The following ZNF696 variants were observed in gnomAD, a reference collection of about 807,000 sequenced individuals.
The protein encoded by ZNF696 is zinc finger protein 696.
A neutral mutation model predicts 12.3 loss-of-function variants in ZNF696; 10 were observed. That is an observed-to-expected ratio of 0.81 (90% confidence interval 0.50 to 1.38). ZNF696 has a LOEUF of 1.38. ZNF696 is among the 40% of genes most tolerant of loss of function. ZNF696 has a pLI of 0.00. For synonymous variants in ZNF696, 304 were observed against 243.9 expected, an observed-to-expected ratio of 1.25 and a Z score of -2.29; for missense variants, 675 against 554.7, an observed-to-expected ratio of 1.22 and a Z score of -2.18.
At chr8:143,295,420 C>T (rs1487180215) in intron 2 of ZNF696, 2 of 620,056 alleles carry the variant, frequency 3.2e-6, no homozygotes, top group African/African-American at 3.6e-5. Flanking sequence ...TCTTGAACTC[C>T]AAGTCTCAAG....
chr8:143,293,403 G>A (rs949327478), intron 2 of ZNF696: 11 of 448,716 alleles, frequency 2.5e-5, no homozygotes, highest in Admixed American at 1.2e-4. Context: ...GTTGTAGGAC[G>A]TTCGGCAGCA....
In ZNF696 at chr8:143,298,560, G is replaced by A. The variant is rs1326428550; in HGVS notation, c.*1760G>A. 6.6e-6 allele frequency among the ~76,000 whole-genome samples: 1 copy of A among 152,108 alleles called. No individual in the cohort carries two copies. Among genetic ancestry groups the A allele is most frequent in the African/African-American group, 2.4e-5 (1 of 41,440 alleles). On this transcript the variant is annotated 3_prime_UTR_variant, in exon 3 of 3. Coordinates refer to ENST00000330143, the MANE Select transcript of ZNF696 (RefSeq NM_030895.3). ...CTTGCAAAGATCCCCAAGCACACAA[G>A]GAGAGTCAGCTGACTGAGGGCCAAC...
chr8:143,296,884 G>A lies in ZNF696; in HGVS notation c.*84G>A. The A allele has an allele frequency of 1.6e-6, 2 of 1,242,306 alleles. No homozygotes were observed. The highest frequency in any genetic ancestry group is 2.1e-6 in the Non-Finnish European group (2 of 963,236). 77.0% of individuals were successfully genotyped at this position (1,242,306 alleles called of 1,614,324 possible). A position where few individuals can be genotyped will look rare whatever the true frequency, so the allele number is the denominator to read the frequency against. On this transcript the variant is annotated 3_prime_UTR_variant, in exon 3 of 3. Coordinates refer to ENST00000330143, the MANE Select transcript of ZNF696 (RefSeq NM_030895.3). ...GGAGGCTCCTGTCCGCCCCGTGCGC[G>A]GTGAGGAAGTAACAGCCGGCTGCGC...
rs1360461187 is a variant in ZNF696 at position 143,295,843 on chromosome 8, G to A, written c.168G>A (p.Glu56=). The A allele has an allele frequency of 1.3e-6, 2 of 1,586,460 alleles. No individual in the cohort carries two copies. The highest frequency in any genetic ancestry group is 1.7e-6 in the Non-Finnish European group (2 of 1,166,786). The part of the protein sequence containing the change: ...TEPAAEAGAP[E]GEGHRGGPPR... ...CTGCCGCAGAGGCAGGCGCTCCCGA[G>A]GGAGAGGGCCACAGAGGGGGGCCTC... The change falls in exon 3 of 3, where the codon GAG becomes GAA. Residue 56 remains glutamate (E), a synonymous_variant. Coordinates refer to ENST00000330143, the MANE Select transcript of ZNF696 (RefSeq NM_030895.3).
Position 143,298,397 on chromosome 8 carries a change from G to C in ZNF696, c.*1597G>C, listed in dbSNP as rs1586739650. On this transcript the variant is annotated 3_prime_UTR_variant, in exon 3 of 3. Coordinates refer to ENST00000330143, the MANE Select transcript of ZNF696 (RefSeq NM_030895.3). Reference sequence around the variant, plus strand: ...AATTAAGCTCCTGACCCCTGGGCCGGTGGTGAGGTGGGAAGATGAGCCTGT... The same window carrying C: ...AATTAAGCTCCTGACCCCTGGGCCGCTGGTGAGGTGGGAAGATGAGCCTGT... Among the ~76,000 whole-genome samples, 1 of 152,282 alleles carries C rather than the reference G, an allele frequency of 6.6e-6. No individual in the cohort carries two copies. Among genetic ancestry groups the C allele is most frequent in the East Asian group, 1.9e-4 (1 of 5,178 alleles).
chr8:143,294,764 G>A (rs560529185), intron 2 of ZNF696, among the ~76,000 whole-genome samples: 6 of 152,216 alleles, frequency 3.9e-5, no homozygotes, highest in East Asian at 3.9e-4. Context: ...AGGAGTCTGC[G>A]TTGTCTCAGG....
intron 1 of ZNF696, among the ~76,000 whole-genome samples, chr8:143,292,452 TACATTAAA>T (rs1815639977): frequency 2.6e-5 from 4 of 151,696 alleles, no homozygotes; most frequent in Non-Finnish European, 4.4e-5. Context: ...TTTTTTTTTT[TACATTAAA>T]TTTTTTTATG....
intron 1 of ZNF696, among the ~76,000 whole-genome samples, 190 bp from the exon 2 acceptor site, chr8:143,292,782 A>C (rs1815648484): frequency 6.6e-6 from 1 of 152,024 alleles, no homozygotes; most frequent in South Asian, 2.1e-4. Context: ...AGAACAGAAC[A>C]CCCGCTTCTG....
At chr8:143,295,161 GCTA>G (rs2129735742) in intron 2 of ZNF696, among the ~76,000 whole-genome samples, 1 of 152,230 alleles carries the variant, frequency 6.6e-6, no homozygotes, top group Admixed American at 6.5e-5. Flanking sequence ...CGGGCCTCCT[GCTA>G]CATCTGCCTC....
intron 2 of ZNF696, 56 bp from the exon 3 acceptor site, chr8:143,295,684 C>T (rs1815695924): frequency 6.8e-7 from 1 of 1,477,518 alleles, no homozygotes; most frequent in African/African-American, 1.4e-5. Flanking sequence ...GCCAGAGCCA[C>T]CCTCGACTCA....
rs897464916 is a variant in ZNF696 at position 143,299,621 on chromosome 8, A to T, written c.*2821A>T. On this transcript the variant is annotated 3_prime_UTR_variant, in exon 3 of 3. Coordinates refer to ENST00000330143, the MANE Select transcript of ZNF696 (RefSeq NM_030895.3). ...ACTGGACAACACAGTGAGAGCCCAT[A>T]AAATAAATAAATGAACTGAACACAA... is the stretch of plus-strand genomic sequence containing the variant. 2.6e-5 allele frequency among the ~76,000 whole-genome samples: 4 copies of T among 152,188 alleles called. No homozygotes were observed. Among genetic ancestry groups the T allele is most frequent in the Non-Finnish European group, 5.9e-5 (4 of 68,040 alleles).
At chr8:143,291,957 C>T (rs1283091513) in intron 1 of ZNF696, among the ~76,000 whole-genome samples, 190 bp downstream of exon 1, 1 of 151,690 alleles carries the variant, frequency 6.6e-6, no homozygotes, top group Non-Finnish European at 1.5e-5. Flanking sequence ...TAATTAATCA[C>T]TTTATTTACT....
chr8:143,296,933 C>A lies in ZNF696; in HGVS notation c.*133C>A. ...GCGCCTGGTTCTCGGGTTGCGAAAG[C>A]CTCGCCAGGCCTGCATCCGCCTTGG... is the stretch of plus-strand genomic sequence containing the variant. On this transcript the variant is annotated 3_prime_UTR_variant, in exon 3 of 3. Coordinates refer to ENST00000330143, the MANE Select transcript of ZNF696 (RefSeq NM_030895.3). 1.2e-6 allele frequency: 1 copy of A among 841,258 alleles called. No homozygotes were observed. The highest frequency in any genetic ancestry group is 1.7e-6 in the Non-Finnish European group (1 of 600,832). The allele number at this position is 841,258 out of a possible 1,614,324, so 52.1% of individuals were successfully genotyped here.
Position 143,298,266 on chromosome 8 carries a change from G to A in ZNF696, c.*1466G>A, listed in dbSNP as rs564676000. ...GCTGGCTGCCGCTTCCAAGACAGTCGCTTTGAGGGCTCTTGGCACCGATTT... is the reference window on the plus strand; with the variant it reads ...GCTGGCTGCCGCTTCCAAGACAGTCACTTTGAGGGCTCTTGGCACCGATTT... On this transcript the variant is annotated 3_prime_UTR_variant, in exon 3 of 3. Transcript: ENST00000330143. Among the ~76,000 whole-genome samples the A allele has an allele frequency of 1.3e-5, 2 of 152,330 alleles. No individual in the cohort carries two copies. The highest frequency in any genetic ancestry group is 2.4e-5 in the African/African-American group (1 of 41,560).
At position 143,299,574 on chromosome 8, in the gene ZNF696, C is replaced by T. The variant is rs6558346; in HGVS notation, c.*2774C>T. 0.87 allele frequency among the ~76,000 whole-genome samples: 132,933 copies of T among 152,246 alleles called. 58,140 individuals are homozygous for T. The highest frequency in any genetic ancestry group is 0.93 in the African/African-American group (38,746 of 41,552). On this transcript the variant is annotated 3_prime_UTR_variant, in exon 3 of 3. Transcript: ENST00000330143. ...AGGAGTTTGAGGCAGCAGTGAGCTACGATTGTGCCGCTGCACTCCAGACTG... is the reference window on the plus strand; with the variant it reads ...AGGAGTTTGAGGCAGCAGTGAGCTATGATTGTGCCGCTGCACTCCAGACTG...
chr8:143,295,999 G>T lies in ZNF696; in HGVS notation c.324G>T (p.Pro108=), dbSNP rs774531511. 1 of 1,593,312 alleles carries T rather than the reference G, an allele frequency of 6.3e-7. No homozygotes were observed. Among genetic ancestry groups the T allele is most frequent in the Admixed American group, 1.7e-5 (1 of 57,844 alleles). ...GTGGCCTCGAGTCAGACGTCCCTCCGAACGCAGGCCCCGGCGCAGAGGGCG... is the reference window on the plus strand; with the variant it reads ...GTGGCCTCGAGTCAGACGTCCCTCCTAACGCAGGCCCCGGCGCAGAGGGCG... The part of the protein sequence containing the change: ...GQSGLESDVP[P]NAGPGAEGGG... Residue 108 remains proline, a synonymous_variant, in exon 3 of 3, where the codon CCG becomes CCT. Transcript: ENST00000330143.
intron 2 of ZNF696, among the ~76,000 whole-genome samples, chr8:143,294,077 T>TCAG (rs1815668203): frequency 6.6e-6 from 1 of 152,214 alleles, no homozygotes; most frequent in Non-Finnish European, 1.5e-5. Flanking sequence ...TGTGCTGGCC[T>TCAG]CGTTGGCCCC....
Position 143,296,842 on chromosome 8 carries a change from G to A in ZNF696, c.*42G>A, listed in dbSNP as rs1815728802. On this transcript the variant is annotated 3_prime_UTR_variant, in exon 3 of 3. Transcript: ENST00000330143. Reference sequence around the variant, plus strand: ...AAGAGATGCCGGCGGCCTGGTGGGCGCGAGGCCGAGGCCGGGGGAGGCTCC... The same window carrying A: ...AAGAGATGCCGGCGGCCTGGTGGGCACGAGGCCGAGGCCGGGGGAGGCTCC... 7.3e-7 allele frequency: 1 copy of A among 1,364,208 alleles called. No homozygotes were observed. Among genetic ancestry groups the A allele is most frequent in the South Asian group, 1.7e-5 (1 of 59,030 alleles). 84.5% of individuals were successfully genotyped at this position (1,364,208 alleles called of 1,614,324 possible).
chr8:143,298,985 C>A lies in ZNF696; in HGVS notation c.*2185C>A, dbSNP rs188119040. 3.5e-3 allele frequency among the ~76,000 whole-genome samples: 528 copies of A among 152,216 alleles called. 2 individuals are homozygous for A. The highest frequency in any genetic ancestry group is 0.012 in the African/African-American group (502 of 41,512). On this transcript the variant is annotated 3_prime_UTR_variant, in exon 3 of 3. Transcript: ENST00000330143. ...GACCACCCTGGCCAACATGGCAAAA[C>A]CCCATTTCTACTAAAAATACAAAAT... is the stretch of plus-strand genomic sequence containing the variant.
Sources: gnomAD v4.1 joint callset for allele counts (sites outside exome capture counted in the v4.1 genomes callset) on GRCh38, gnomAD v4.1.1 for gene constraint, MANE v1.5 for transcripts, NCBI Gene and HGNC (gene_info 2026-07-23, HGNC 2026-07-21) for gene names.